PIP5K1B: variants seen among roughly 807,000 people sequenced by gnomAD.
PIP5K1B encodes the protein phosphatidylinositol 4-phosphate 5-kinase type-1 beta.
Under a neutral mutation model 67.0 loss-of-function variants are expected in PIP5K1B, and 42 were observed. The ratio of observed to expected loss-of-function variants is 0.63; its 90% CI spans 0.49 to 0.81. PIP5K1B has a LOEUF of 0.81. Among genes scored for constraint, PIP5K1B ranks in the 30% least tolerant of loss-of-function variants. The probability of loss-of-function intolerance (pLI) is 0.00; values close to 1 mark genes in which losing one functional copy is unlikely to be tolerated. For missense variants in PIP5K1B, 459 were observed against 646.3 expected (o/e 0.71, Z 3.14); for synonymous variants, 214 against 231.4 (o/e 0.92, Z 0.68).
Position 68,788,575 on chromosome 9 carries a change from A to T in PIP5K1B, c.-85-29886A>T. The T allele has an allele frequency of 1.2e-5, 3 of 259,984 alleles. No individual in the cohort carries two copies. The South Asian group carries it at 1.2e-4, about 11-fold the overall frequency. 16.1% of individuals were successfully genotyped at this position (259,984 alleles called of 1,614,324 possible). A position where few individuals can be genotyped will look rare whatever the true frequency, so the allele number is the denominator to read the frequency against. ...CCACAGAACAATGGTTCTGGTTTGG[A>T]ATCTCCAATGTGAAGACCCATGGTC... On this transcript the variant is annotated intron_variant, in intron 2 of 15. Coordinates refer to ENST00000265382, the MANE Select transcript of PIP5K1B (RefSeq NM_003558.4).
intron 2 of PIP5K1B, among the ~76,000 whole-genome samples, chr9:68,744,253 G>A (rs1392055307): frequency 2.0e-5 from 3 of 152,164 alleles, no homozygotes; most frequent in African/African-American, 4.8e-5. Flanking sequence ...CATTTTCCAC[G>A]AGATGTGCTA....
intron 2 of PIP5K1B, among the ~76,000 whole-genome samples, chr9:68,779,635 C>T (rs1831111350): frequency 6.6e-6 from 1 of 152,216 alleles, no homozygotes; most frequent in African/African-American, 2.4e-5. Flanking sequence ...TTCTCCTCCC[C>T]TCCTGGTTCC....
intron 1 of PIP5K1B, among the ~76,000 whole-genome samples, chr9:68,710,739 A>G (rs1177788083): frequency 6.6e-6 from 1 of 152,230 alleles, no homozygotes; most frequent in Admixed American, 6.5e-5. Flanking sequence ...CTAGCACTGG[A>G]ATAAACAACA....
At chr9:68,916,730 G>T (rs1319763794) in intron 8 of PIP5K1B, among the ~76,000 whole-genome samples, 1 of 152,010 alleles carries the variant, frequency 6.6e-6, no homozygotes, top group East Asian at 1.9e-4. Flanking sequence ...AAATTAGCTG[G>T]GTGTGGTGGC....
intron 14 of PIP5K1B, among the ~76,000 whole-genome samples, chr9:68,952,913 A>AT (rs1828170620): frequency 1.4e-5 from 2 of 146,826 alleles, no homozygotes; most frequent in South Asian, 4.3e-4. Context: ...AAACTCTTTG[A>AT]TTTTCTCTCA....
At chr9:68,907,435 TA>T (rs1467222770) in intron 8 of PIP5K1B, among the ~76,000 whole-genome samples, 12 of 151,810 alleles carry the variant, frequency 7.9e-5, no homozygotes, top group Non-Finnish European at 1.3e-4. Flanking sequence ...AATAAATATT[TA>T]AAAAAATATT....
chr9:68,817,213 T>C (rs1042038005), intron 2 of PIP5K1B, among the ~76,000 whole-genome samples: 1 of 152,258 alleles, frequency 6.6e-6, no homozygotes, highest in Admixed American at 6.5e-5. Context: ...GCAAACACTT[T>C]TAAAGATGGC....
chr9:68,898,785 C>G (rs1473498782), intron 8 of PIP5K1B, among the ~76,000 whole-genome samples: 3 of 152,174 alleles, frequency 2.0e-5, no homozygotes, highest in Non-Finnish European at 4.4e-5. Flanking sequence ...TGGCTCTGCC[C>G]CCTCCTCACT....
chr9:68,969,531 TA>T (rs894063997), intron 14 of PIP5K1B, among the ~76,000 whole-genome samples: 8 of 151,890 alleles, frequency 5.3e-5, no homozygotes, highest in African/African-American at 1.5e-4. Context: ...TCAACAGTAC[TA>T]GGGGAAGAAA....
At chr9:68,885,717 A>G (rs1324278954) in intron 6 of PIP5K1B, among the ~76,000 whole-genome samples, 3 of 152,128 alleles carry the variant, frequency 2.0e-5, no homozygotes, top group African/African-American at 7.2e-5. Flanking sequence ...GGAATGACAA[A>G]CTGCCTATTG....
chr9:68,837,607 G>GGTT lies in PIP5K1B; in HGVS notation c.69+14924_69+14925insGTT, dbSNP rs758845890. Among the ~76,000 whole-genome samples, 9 of 111,872 alleles carry GGTT rather than the reference G, an allele frequency of 8.0e-5. No individual in the cohort carries two copies. The East Asian group carries it at 2.5e-3, about 31-fold the overall frequency. 73.4% of individuals were successfully genotyped at this position (111,872 alleles called of 152,430 possible). A position where few individuals can be genotyped will look rare whatever the true frequency, so the allele number is the denominator to read the frequency against. On this transcript the variant is annotated intron_variant, in intron 4 of 15. Transcript: ENST00000265382. ...AGACTTTTACTTTTCCTTACTTTGT[G>GGTT]TTTTTTTTTTTTTTTTTTGACCCAA... is the stretch of plus-strand genomic sequence containing the variant.
chr9:68,792,681 G>C (rs12555728), intron 2 of PIP5K1B, among the ~76,000 whole-genome samples: 16,525 of 152,086 alleles, frequency 0.11, 1,081 homozygotes, highest in Non-Finnish European at 0.16. Context: ...GGGTTTCGCT[G>C]CATTAGCCAG....
intron 14 of PIP5K1B, among the ~76,000 whole-genome samples, chr9:68,957,031 G>T (rs1264593402): frequency 6.6e-6 from 1 of 152,176 alleles, no homozygotes; most frequent in Non-Finnish European, 1.5e-5. Context: ...TTTACTTAAA[G>T]TCCAGGTATA....
intron 2 of PIP5K1B, among the ~76,000 whole-genome samples, chr9:68,813,254 G>A (rs980332048): frequency 2.6e-5 from 4 of 152,228 alleles, no homozygotes; most frequent in Non-Finnish European, 4.4e-5. Flanking sequence ...AGAGTGATGA[G>A]CAATGAACGT....
intron 1 of PIP5K1B, among the ~76,000 whole-genome samples, chr9:68,714,322 C>T (rs867347505): frequency 6.6e-6 from 1 of 152,182 alleles, no homozygotes; most frequent in Admixed American, 6.5e-5. Flanking sequence ...TGGGAGCCAT[C>T]CTTGGCTCCA....
chr9:68,857,770 G>A (rs1467957753), intron 4 of PIP5K1B, among the ~76,000 whole-genome samples: 4 of 152,174 alleles, frequency 2.6e-5, no homozygotes, highest in Non-Finnish European at 5.9e-5. Context: ...GGGAGGCTGA[G>A]GTGGGAGGAT....
chr9:68,844,734 A>G (rs1416381969), intron 4 of PIP5K1B, among the ~76,000 whole-genome samples: 1 of 152,216 alleles, frequency 6.6e-6, no homozygotes, highest in Non-Finnish European at 1.5e-5. Flanking sequence ...GAAAAGGACT[A>G]AACAGAAATA....
At chr9:68,770,623 G>A (rs1830630409) in intron 2 of PIP5K1B, among the ~76,000 whole-genome samples, 1 of 152,162 alleles carries the variant, frequency 6.6e-6, no homozygotes, top group South Asian at 2.1e-4. Flanking sequence ...CCTCCTGTTG[G>A]ATCAGTGGCA....
intron 6 of PIP5K1B, among the ~76,000 whole-genome samples, chr9:68,878,262 G>A (rs562106627): frequency 1.3e-4 from 20 of 152,156 alleles, no homozygotes; most frequent in East Asian, 1.2e-3. Flanking sequence ...TTAGACTTGC[G>A]TTTCACACTG....
Sources: allele counts gnomAD v4.1 joint callset (sites outside exome capture counted in the v4.1 genomes callset), GRCh38; gene constraint gnomAD v4.1.1; transcripts MANE v1.5; gene names NCBI Gene and HGNC (gene_info 2026-07-23, HGNC 2026-07-21).